Variants in BPI observed in about 807,000 individuals in gnomAD.
BPI encodes bactericidal permeability-increasing protein.
In BPI, 48 loss-of-function variants were observed where a neutral mutation model predicts 57.6. That is an observed-to-expected ratio of 0.83 (90% CI 0.66 to 1.06). The LOEUF (loss-of-function observed/expected upper bound fraction) is 1.06, where lower values mean the gene tolerates loss of function less well. Among genes scored for constraint, BPI ranks in the 50% least tolerant of loss-of-function variants. The pLI is 0.00. For missense variants in BPI, 651 were observed against 609.7 expected (o/e 1.07, Z -0.71); for synonymous variants, 237 against 238.2 (o/e 0.99, Z 0.05).
rs759193087 is a variant in BPI, at chr20:38,334,491, A to G, written c.1334A>G (p.Asn445Ser). The G allele has an allele frequency of 6.8e-6, 11 of 1,612,602 alleles. No individual in the cohort carries two copies. The highest frequency in any genetic ancestry group is 9.3e-6 in the Non-Finnish European group (11 of 1,178,676). ...CCCATTCTTGTGCTGCCCAGGGTTA[A>G]CGGTAAGGAACTTTGAAGAAACCAT... ...IVPILVLPRV[N>S]EKLQKGFPLP... Residue 445 changes from asparagine (N) to serine (S), a missense_variant and splice_region_variant, in exon 13 of 15, where the codon AAC becomes AGC. Asn to Ser is a conservative substitution (Grantham distance 46). Coordinates refer to ENST00000642449, the MANE Select transcript of BPI (RefSeq NM_001725.3).
rs191499975 is a variant in BPI at position 38,320,510 on chromosome 20, C to A, written c.756+236C>A. ...AAGGCCTTTGCCCTTGCTTTTTCCTCCGCCTGGGTACTCTCCCCCAGGTTT... is the reference window on the plus strand; with the variant it reads ...AAGGCCTTTGCCCTTGCTTTTTCCTACGCCTGGGTACTCTCCCCCAGGTTT... On this transcript the variant is annotated intron_variant, in intron 7 of 14. Transcript: ENST00000642449. Among the ~76,000 whole-genome samples, 51 of 151,874 alleles carry A rather than the reference C, an allele frequency of 3.4e-4. No individual in the cohort carries two copies. In the East Asian group the frequency reaches 8.7e-3, roughly 26 times the overall value.
At chr20:38,333,580 TA>T (rs1189308238) in intron 12 of BPI, among the ~76,000 whole-genome samples, 2 of 151,784 alleles carry the variant, frequency 1.3e-5, no homozygotes, top group Non-Finnish European at 2.9e-5. Flanking sequence ...CCTATTTAAT[TA>T]AAAAATGGAA....
In BPI at chr20:38,311,913, G is replaced by A. The variant is rs371339390; in HGVS notation, c.576G>A (p.Ala192=). The change falls in exon 5 of 15, where the codon GCG becomes GCA. Residue 192 remains alanine (A), a synonymous_variant. Transcript: ENST00000642449. ...IQLFHKKIES[A]LRNKMNSQVC... ...TCTTCCACAAAAAAATTGAGTCTGC[G>A]CTTCGAAACAAGATGAACAGCCAGG... The A allele has an allele frequency of 6.6e-5, 107 of 1,613,808 alleles. No individual in the cohort carries two copies. The highest frequency in any genetic ancestry group is 8.9e-5 in the Non-Finnish European group (105 of 1,179,992).
At position 38,318,428 on chromosome 20, in the gene BPI, A is replaced by G. The variant is rs747553107; in HGVS notation, c.616A>G (p.Thr206Ala). ...TTCTCCCCAGGTCTGCGAGAAAGTG[A>G]CCAATTCTGTATCCTCCGAGCTGCA... Reference protein sequence around the residue: ...KMNSQVCEKVTNSVSSELQPY... With the variant: ...KMNSQVCEKVANSVSSELQPY... The change falls in exon 6 of 15, where the codon ACC becomes GCC. Residue 206 changes from threonine to alanine, a missense_variant. Transcript: ENST00000642449. 3.7e-6 allele frequency: 6 copies of G among 1,613,700 alleles called. No individual in the cohort carries two copies. The South Asian group carries it at 4.4e-5, about 12-fold the overall frequency.
chr20:38,313,928 CGATGATGGT>C (rs1002814854), intron 5 of BPI, among the ~76,000 whole-genome samples: 2 of 133,450 alleles, frequency 1.5e-5, no homozygotes, highest in South Asian at 2.5e-4. Flanking sequence ...ATGATGATGG[CGATGATGGT>C]GATGATGGTG....
intron 5 of BPI, among the ~76,000 whole-genome samples, chr20:38,316,926 GC>G (rs1302618421): frequency 6.6e-6 from 1 of 152,186 alleles, no homozygotes; most frequent in East Asian, 1.9e-4. Flanking sequence ...CAGGAAGAAA[GC>G]CCAGAGAAGC....
In BPI at chr20:38,335,649, A is replaced by G. The variant is rs760330611; in HGVS notation, c.1388A>G (p.Tyr463Cys). 1.2e-6 allele frequency: 2 copies of G among 1,614,200 alleles called. No homozygotes were observed. Among genetic ancestry groups the G allele is most frequent in the South Asian group, 1.1e-5 (1 of 91,082 alleles). ...CCGACGCCGGCCAGAGTCCAGCTCT[A>G]CAACGTAGTGCTTCAGCCTCACCAG... ...PLPTPARVQL[Y>C]NVVLQPHQNF... Residue 463 changes from tyrosine to cysteine, a missense_variant, in exon 14 of 15, where the codon TAC (tyrosine) becomes TGC (cysteine). Physicochemically the swap from Tyr to Cys is radical, Grantham distance 194. Transcript: ENST00000642449.
chr20:38,335,773 C>T (rs147096244), intron 14 of BPI, 99 bp downstream of exon 14: 11 of 1,193,752 alleles, frequency 9.2e-6, no homozygotes, highest in African/African-American at 7.6e-5. Context: ...CTGTGTGAAG[C>T]GCCTTCTACC....
In BPI at chr20:38,335,647, C is replaced by T; in HGVS notation, c.1386C>T (p.Leu462=). ...FPLPTPARVQ[L]YNVVLQPHQN... ...TCCCGACGCCGGCCAGAGTCCAGCT[C>T]TACAACGTAGTGCTTCAGCCTCACC... The change falls in exon 14 of 15, where the codon CTC becomes CTT. Residue 462 remains leucine (L), a synonymous_variant. Transcript: ENST00000642449. 1 of 1,614,206 alleles carries T rather than the reference C, an allele frequency of 6.2e-7. No homozygotes were observed. Among genetic ancestry groups the T allele is most frequent in the Non-Finnish European group, 8.5e-7 (1 of 1,180,014 alleles).
intron 12 of BPI, 122 bp from the exon 13 acceptor site, chr20:38,334,308 T>G: frequency 2.2e-6 from 2 of 920,816 alleles, no homozygotes; most frequent in South Asian, 2.9e-5. Context: ...TTTTCCCAAC[T>G]GCGCGGTTGC....
In BPI at chr20:38,335,666, C is replaced by A; in HGVS notation, c.1405C>A (p.Pro469Thr). ...RVQLYNVVLQPHQNFLLFGAD... is the reference protein window; with the variant it reads ...RVQLYNVVLQTHQNFLLFGAD... ...CCAGCTCTACAACGTAGTGCTTCAGCCTCACCAGGTGAGTCCCGGAGTCTT... is the reference window on the plus strand; with the variant it reads ...CCAGCTCTACAACGTAGTGCTTCAGACTCACCAGGTGAGTCCCGGAGTCTT... The change falls in exon 14 of 15, where the codon CCT (proline) becomes ACT (threonine). Residue 469 changes from proline (P) to threonine (T), a missense_variant. By Grantham distance (38) the Pro-to-Thr change is conservative. Transcript: ENST00000642449. 6.2e-7 allele frequency: 1 copy of A among 1,614,118 alleles called. No homozygotes were observed. The highest frequency in any genetic ancestry group is 8.5e-7 in the Non-Finnish European group (1 of 1,179,944).
intron 11 of BPI, among the ~76,000 whole-genome samples, chr20:38,328,119 C>T (rs773678157): frequency 6.6e-6 from 1 of 152,204 alleles, no homozygotes; most frequent in African/African-American, 2.4e-5. Context: ...ACTCTGGAAT[C>T]CACATGGCCC....
intron 10 of BPI, among the ~76,000 whole-genome samples, chr20:38,327,365 T>C (rs1214166179): frequency 3.3e-5 from 5 of 152,184 alleles, no homozygotes; most frequent in Non-Finnish European, 7.3e-5. Context: ...CCAAGAACTC[T>C]GAAATGGTCC....
At chr20:38,327,532 C>T (rs563886979) in intron 10 of BPI, 56 bp from the exon 11 acceptor site, 9 of 1,596,530 alleles carry the variant, frequency 5.6e-6, no homozygotes, top group African/African-American at 4.0e-5. Flanking sequence ...GGTTTGGAGG[C>T]CTTGCAATCA....
chr20:38,336,567 C>T (rs935301012), intron 14 of BPI, among the ~76,000 whole-genome samples: 1 of 152,020 alleles, frequency 6.6e-6, no homozygotes, highest in Non-Finnish European at 1.5e-5. Flanking sequence ...CCTGGGGAGC[C>T]TCGCATCACC....
At chr20:38,320,005 G>A (rs2076673005) in intron 6 of BPI, 178 bp from the exon 7 acceptor site, 2 of 605,370 alleles carry the variant, frequency 3.3e-6, no homozygotes, top group Non-Finnish European at 5.9e-6. Flanking sequence ...TGTGAATGTG[G>A]GGTGTGGGTT....
intron 5 of BPI, chr20:38,317,713 C>A: frequency 9.7e-7 from 1 of 1,026,784 alleles, no homozygotes; most frequent in Non-Finnish European, 1.5e-6. Flanking sequence ...AGCCACATTA[C>A]AGAAGAGCAA....
intron 5 of BPI, among the ~76,000 whole-genome samples, chr20:38,314,389 G>A (rs908544093): frequency 2.4e-5 from 3 of 124,248 alleles, no homozygotes; most frequent in Admixed American, 1.6e-4. Flanking sequence ...GTGATGGTGA[G>A]ATTGATGATG....
chr20:38,317,468 G>A (rs1162458405), intron 5 of BPI, among the ~76,000 whole-genome samples: 1 of 152,210 alleles, frequency 6.6e-6, no homozygotes, highest in African/African-American at 2.4e-5. Flanking sequence ...GGGCTAGGAA[G>A]ACTTGAAGGC....
Sources: allele counts gnomAD v4.1 joint callset (sites outside exome capture counted in the v4.1 genomes callset), GRCh38; gene constraint gnomAD v4.1.1; transcripts MANE v1.5; gene names NCBI Gene and HGNC (gene_info 2026-07-23, HGNC 2026-07-21).